The following RPS6KC1 variants were observed in gnomAD, a reference collection of about 807,000 sequenced individuals.
RPS6KC1 encodes inactive ribosomal protein S6 kinase delta-1.
In RPS6KC1, 54 loss-of-function variants were observed where a neutral mutation model predicts 103.8. The observed-to-expected ratio is 0.52, with a 90% CI of 0.42 to 0.65. The LOEUF (loss-of-function observed/expected upper bound fraction) is 0.65, where lower values mean the gene tolerates loss of function less well. RPS6KC1 is among the 30% of genes least tolerant of loss of function. The pLI is 0.00. For synonymous variants in RPS6KC1, 439 were observed against 438.7 expected, an observed-to-expected ratio of 1.00 and a Z score of -0.01; for missense variants, 1,151 against 1,253.8, an observed-to-expected ratio of 0.92 and a Z score of 1.24.
the RPS6KC1 span, among the ~76,000 whole-genome samples, chr1:213,620,695 T>C: frequency 2.0e-5 from 3 of 152,342 alleles, no homozygotes; most frequent in East Asian, 5.8e-4. Flanking sequence ...CTGACATAGT[T>C]GTTACATTTT....
At chr1:213,493,478 A>G in the RPS6KC1 span, among the ~76,000 whole-genome samples, 1 of 152,226 alleles carries the variant, frequency 6.6e-6, no homozygotes, top group African/African-American at 2.4e-5. Flanking sequence ...TTTGAAGTGA[A>G]GCGATACTGA....
chr1:213,583,093 G>A, the RPS6KC1 span, among the ~76,000 whole-genome samples: 4 of 152,192 alleles, frequency 2.6e-5, no homozygotes, highest in Non-Finnish European at 4.4e-5. Context: ...TGCATCACTA[G>A]TTGTTTGTTT....
chr1:213,819,814 A>G, the RPS6KC1 span: 1 of 152,184 alleles, frequency 6.6e-6, no homozygotes, highest in South Asian at 2.1e-4. Flanking sequence ...TGAGCTTGAG[A>G]CCTTATCATT....
intron 12 of RPS6KC1, among the ~76,000 whole-genome samples, chr1:213,259,762 G>C (rs1197828536): frequency 2.5e-5 from 2 of 80,128 alleles, no homozygotes; most frequent in African/African-American, 7.1e-5. Flanking sequence ...TTTTGAGTTG[G>C]AGTTTTGCTC....
the RPS6KC1 span, among the ~76,000 whole-genome samples, chr1:213,426,377 G>A: frequency 6.6e-6 from 1 of 152,132 alleles, no homozygotes; most frequent in Non-Finnish European, 1.5e-5. Flanking sequence ...TCATGCCCTC[G>A]GGGACTGGGG....
chr1:213,708,180 A>AT, the RPS6KC1 span, among the ~76,000 whole-genome samples: 3 of 152,026 alleles, frequency 2.0e-5, no homozygotes, highest in African/African-American at 7.2e-5. Context: ...TGAGCATGGA[A>AT]TTTTTTTACT....
chr1:213,513,304 C>T, the RPS6KC1 span, among the ~76,000 whole-genome samples: 61 of 152,308 alleles, frequency 4.0e-4, no homozygotes, highest in African/African-American at 1.4e-3. Flanking sequence ...TGTTAGCCCA[C>T]TGAGATCCAT....
the RPS6KC1 span, among the ~76,000 whole-genome samples, chr1:213,856,119 T>A: frequency 5.9e-5 from 9 of 152,166 alleles, no homozygotes; most frequent in Non-Finnish European, 1.0e-4. Flanking sequence ...GTGGAGTCAC[T>A]CACAGGGTAA....
At chr1:213,371,404 G>A in the RPS6KC1 span, among the ~76,000 whole-genome samples, 239 of 152,268 alleles carry the variant, frequency 1.6e-3, no homozygotes, top group Middle Eastern at 3.4e-3. Context: ...GATGAACATG[G>A]GTGTGCAAAT....
At chr1:213,182,761 CATG>C (rs1022036045) in intron 8 of RPS6KC1, among the ~76,000 whole-genome samples, 28 of 148,082 alleles carry the variant, frequency 1.9e-4, no homozygotes, top group Admixed American at 1.6e-3. Context: ...ATACATATAT[CATG>C]ATACATATAT....
In RPS6KC1 at chr1:213,117,316, G is replaced by A; in HGVS notation, c.379-1G>A. 1.3e-6 allele frequency: 2 copies of A among 1,575,542 alleles called. No homozygotes were observed. On this transcript the variant is annotated splice_acceptor_variant, in intron 4 of 14. Coordinates refer to ENST00000366960, the MANE Select transcript of RPS6KC1 (RefSeq NM_012424.6). LOFTEE classifies it high-confidence loss of function. ...AAACACAATTGCTCTTATCTCTTTAGGGTGGAATAATTAATGATAGTTCTG... is the reference window on the plus strand; with the variant it reads ...AAACACAATTGCTCTTATCTCTTTAAGGTGGAATAATTAATGATAGTTCTG...
the RPS6KC1 span, among the ~76,000 whole-genome samples, chr1:213,678,089 G>A: frequency 1.5e-4 from 23 of 152,012 alleles, no homozygotes; most frequent in Admixed American, 2.6e-4. Flanking sequence ...TTCTTGTTTC[G>A]TTTAAACCGG....
chr1:213,214,436 C>T (rs1490387398), intron 8 of RPS6KC1, among the ~76,000 whole-genome samples: 2 of 152,250 alleles, frequency 1.3e-5, no homozygotes, highest in Admixed American at 6.5e-5. Context: ...CCTCTGTAGA[C>T]TCCACCTCTC....
chr1:213,215,707 G>C (rs1211506097), intron 8 of RPS6KC1, among the ~76,000 whole-genome samples: 1 of 152,218 alleles, frequency 6.6e-6, no homozygotes, highest in Admixed American at 6.5e-5. Context: ...AGCCAGAATA[G>C]AGTGGAGGCC....
the RPS6KC1 span, among the ~76,000 whole-genome samples, chr1:213,682,788 T>G: frequency 3.3e-5 from 5 of 152,262 alleles, no homozygotes; most frequent in Admixed American, 1.3e-4. Context: ...TGGGTGTTTT[T>G]GGGTGCATGC....
the RPS6KC1 span, among the ~76,000 whole-genome samples, chr1:213,844,285 C>T: frequency 2.6e-5 from 4 of 152,280 alleles, no homozygotes; most frequent in Non-Finnish European, 5.9e-5. Context: ...GCTTTTGCCA[C>T]TGCCAACTTT....
the RPS6KC1 span, among the ~76,000 whole-genome samples, chr1:213,553,627 C>CTAA: frequency 6.6e-6 from 1 of 152,196 alleles, no homozygotes; most frequent in Non-Finnish European, 1.5e-5. Context: ...AGTGGCTGAG[C>CTAA]TAATGTACAG....
At chr1:213,236,670 T>C (rs1322691798) in intron 10 of RPS6KC1, among the ~76,000 whole-genome samples, 1 of 152,158 alleles carries the variant, frequency 6.6e-6, no homozygotes, top group East Asian at 1.9e-4. Flanking sequence ...ATATGTATGA[T>C]GAATTAGCAA....
chr1:213,543,767 G>A, the RPS6KC1 span, among the ~76,000 whole-genome samples: 12 of 152,172 alleles, frequency 7.9e-5, no homozygotes, highest in African/African-American at 2.9e-4. Flanking sequence ...AGATTATTAT[G>A]TATAAGTTAC....
Sources: allele counts gnomAD v4.1 joint callset (sites outside exome capture counted in the v4.1 genomes callset), GRCh38; gene constraint gnomAD v4.1.1; transcripts MANE v1.5; gene names NCBI Gene and HGNC (gene_info 2026-07-23, HGNC 2026-07-21).